ZNF384: variants seen among roughly 807,000 people sequenced by gnomAD.
The protein encoded by ZNF384 is zinc finger protein 384.
A neutral mutation model predicts 65.0 loss-of-function variants in ZNF384; 20 were observed. The ratio of observed to expected loss-of-function variants is 0.31; its 90% confidence interval spans 0.22 to 0.45. ZNF384 has a LOEUF of 0.45. Among genes scored for constraint, ZNF384 ranks in the 20% least tolerant of loss-of-function variants. The pLI, the probability that ZNF384 is intolerant of heterozygous loss-of-function variation, is 1.00. For missense variants in ZNF384, 549 were observed against 769.4 expected (o/e 0.71, Z 3.39); for synonymous variants, 310 against 303.9 (o/e 1.02, Z -0.21).
At chr12:6,669,652 C>T (rs931555174) in intron 10 of ZNF384, among the ~76,000 whole-genome samples, 2 of 151,902 alleles carry the variant, frequency 1.3e-5, no homozygotes, top group African/African-American at 4.9e-5. Context: ...GCACATGCCA[C>T]CAGGCCTGGC....
rs889840576 is a variant in ZNF384 at position 6,678,064 on chromosome 12, G to A, written c.686+63C>T. The A allele has an allele frequency of 2.7e-6, 4 of 1,481,246 alleles. No individual in the cohort carries two copies. The African/African-American group carries it at 4.1e-5, about 15-fold the overall frequency. The allele number at this position is 1,481,246 out of a possible 1,614,324, so 91.8% of individuals were successfully genotyped here. On this transcript the variant is annotated intron_variant, in intron 6 of 11. Transcript: ENST00000683879. This position sits in a 1 kb window ranked among gnomAD's most constrained non-coding sequence, Gnocchi z 4.9. ...CTGACCGGGGCAGAACACAATGAGG[G>A]TACAGGGAGAATCACCAAGCCAGGG...
chr12:6,670,688 G>T, intron 10 of ZNF384, 72 bp downstream of exon 10: 1 of 1,457,302 alleles, frequency 6.9e-7, no homozygotes, highest in South Asian at 1.2e-5. Flanking sequence ...GAAAACATTT[G>T]AGAACCACGA....
At position 6,679,112 on chromosome 12, in the gene ZNF384, T is replaced by A. The variant is rs772857565; in HGVS notation, c.138A>T (p.Pro46=). 1 of 1,613,476 alleles carries A rather than the reference T, an allele frequency of 6.2e-7. No homozygotes were observed. The highest frequency in any genetic ancestry group is 1.1e-5 in the South Asian group (1 of 91,044). The change falls in exon 4 of 12, where the codon CCA becomes CCT. Residue 46 remains proline, a synonymous_variant. Coordinates refer to ENST00000683879, the MANE Select transcript of ZNF384 (RefSeq NM_001385745.1). ...LLPEKGCGLA[P]PHYPTLLTVP... ...CTGTCAGCAAGGTGGGGTAGTGAGG[T>A]GGGGCCAGACCACAGCCCTTCTCTG...
chr12:6,679,134 T>C lies in ZNF384; in HGVS notation c.116A>G (p.Glu39Gly). Reference sequence around the variant, plus strand: ...AGGTGGGGCCAGACCACAGCCCTTCTCTGGCAACAGCTGATCCTTCATCTT... The same window carrying C: ...AGGTGGGGCCAGACCACAGCCCTTCCCTGGCAACAGCTGATCCTTCATCTT... ...INKMKDQLLP[E>G]KGCGLAPPHY... Residue 39 changes from glutamate to glycine, a missense_variant, in exon 4 of 12, where the codon GAG (glutamate) becomes GGG (glycine). By Grantham distance (98) the Glu-to-Gly change is moderately conservative. Transcript: ENST00000683879. 1 of 1,607,676 alleles carries C rather than the reference T, an allele frequency of 6.2e-7. No homozygotes were observed. The highest frequency in any genetic ancestry group is 8.5e-7 in the Non-Finnish European group (1 of 1,176,098).
chr12:6,687,167 CCAAGTA>C (rs1312159700), intron 2 of ZNF384, among the ~76,000 whole-genome samples: 5 of 152,336 alleles, frequency 3.3e-5, no homozygotes, highest in Admixed American at 6.5e-5. Context: ...ATAAACTCTT[CCAAGTA>C]CAAGTAACTC....
At chr12:6,680,311 A>T (rs1387905666) in intron 2 of ZNF384, among the ~76,000 whole-genome samples, 1 of 151,916 alleles carries the variant, frequency 6.6e-6, no homozygotes, top group Non-Finnish European at 1.5e-5. Flanking sequence ...AGTTCTGTGT[A>T]GTTTGAGAAG....
chr12:6,668,075 G>A lies in ZNF384; in HGVS notation c.1466C>T (p.Pro489Leu). The A allele has an allele frequency of 6.2e-7, 1 of 1,609,770 alleles. No homozygotes were observed. The highest frequency in any genetic ancestry group is 8.5e-7 in the Non-Finnish European group (1 of 1,177,300). The change falls in exon 12 of 12, where the codon CCT (proline) becomes CTT (leucine). Residue 489 changes from proline (P) to leucine (L), a missense_variant. By Grantham distance (98) the Pro-to-Leu change is moderately conservative. Transcript: ENST00000683879. ...LMKHMRKHNP[P>L]DLQQQVQAAA... ...TGCCTGCACCTGTTGCTGAAGATCAGGCGGGTTGTGTTTGCGCATATGTTT... is the reference window on the plus strand; with the variant it reads ...TGCCTGCACCTGTTGCTGAAGATCAAGCGGGTTGTGTTTGCGCATATGTTT...
At chr12:6,679,660 T>C (rs1955155430) in intron 2 of ZNF384, 135 bp from the exon 3 acceptor site, 3 of 661,284 alleles carry the variant, frequency 4.5e-6, no homozygotes, top group African/African-American at 1.8e-5. Flanking sequence ...AGTCAAGACT[T>C]AGTGTCTAGC....
intron 2 of ZNF384, among the ~76,000 whole-genome samples, chr12:6,685,421 C>A (rs747053437): frequency 6.6e-6 from 1 of 152,034 alleles, no homozygotes; most frequent in Non-Finnish European, 1.5e-5. Context: ...GGCTGAAAAT[C>A]TGGGTTCTCA....
rs759241075 is a variant in ZNF384 at position 6,678,427 on chromosome 12, G to C, written c.386C>G (p.Ser129Cys). 5 of 1,599,450 alleles carry C rather than the reference G, an allele frequency of 3.1e-6. No homozygotes were observed. Among genetic ancestry groups the C allele is most frequent in the African/African-American group, 1.3e-5 (1 of 74,848 alleles). The part of the protein sequence containing the change: ...PGLVITSPSG[S>C]LVTTASSAQT... ...AGCTGATGATGCTGTGGTCACAAGA[G>C]AGCCTGAGGGGGACGTGATTACCAA... Residue 129 changes from serine to cysteine, a missense_variant, in exon 6 of 12, where the codon TCT (serine) becomes TGT (cysteine). Ser to Cys is a moderately radical substitution (Grantham distance 112, BLOSUM62 -1). Around this residue, in one of 5 missense-constraint regions of ZNF384, gnomAD observed 277 missense variants for 337.2 expected, o/e 0.82. Transcript: ENST00000683879. The surrounding 1 kb of genome is among the most constrained non-coding windows in gnomAD (Gnocchi z 4.9).
At chr12:6,681,257 C>A (rs552862564) in intron 2 of ZNF384, among the ~76,000 whole-genome samples, 1 of 150,648 alleles carries the variant, frequency 6.6e-6, no homozygotes, top group Non-Finnish European at 1.5e-5. Flanking sequence ...AGAAAAGTAA[C>A]CCCTCCGAAT....
At chr12:6,680,601 C>T (rs370107021) in intron 2 of ZNF384, among the ~76,000 whole-genome samples, 4 of 150,958 alleles carry the variant, frequency 2.6e-5, no homozygotes, top group Non-Finnish European at 1.5e-5. Context: ...AAGCTGAGAT[C>T]GCGCCACTGC....
In ZNF384 at chr12:6,678,075, A is replaced by C; in HGVS notation, c.686+52T>G. 1.3e-6 allele frequency: 2 copies of C among 1,535,052 alleles called. No homozygotes were observed. The highest frequency in any genetic ancestry group is 1.8e-6 in the Non-Finnish European group (2 of 1,123,898). Reference sequence around the variant, plus strand: ...AGAACACAATGAGGGTACAGGGAGAATCACCAAGCCAGGGATCCTCGCCCC... The same window carrying C: ...AGAACACAATGAGGGTACAGGGAGACTCACCAAGCCAGGGATCCTCGCCCC... On this transcript the variant is annotated intron_variant, in intron 6 of 11. Transcript: ENST00000683879. This position sits in a 1 kb window ranked among gnomAD's most constrained non-coding sequence, Gnocchi z 4.9.
At chr12:6,675,103 T>A (rs990074821) in intron 7 of ZNF384, among the ~76,000 whole-genome samples, 7 of 152,222 alleles carry the variant, frequency 4.6e-5, no homozygotes, top group Admixed American at 4.6e-4. Flanking sequence ...TAAAAAATAA[T>A]AATAACCCAC....
chr12:6,669,787 C>T (rs10849495), intron 10 of ZNF384, among the ~76,000 whole-genome samples: 3,526 of 152,246 alleles, frequency 0.023, 129 homozygotes, highest in Admixed American at 0.071. Flanking sequence ...CAGGTGTGAG[C>T]CACCGCGCCC....
chr12:6,667,939 CTGCTGCTGT>C lies in ZNF384; in HGVS notation c.1593_1601del (p.Gln545_Gln547del). 6.2e-7 allele frequency: 1 copy of C among 1,608,768 alleles called. No individual in the cohort carries two copies. The highest frequency in any genetic ancestry group is 8.5e-7 in the Non-Finnish European group (1 of 1,177,996). On this transcript the variant is annotated inframe_deletion, in exon 12 of 12. Coordinates refer to ENST00000683879, the MANE Select transcript of ZNF384 (RefSeq NM_001385745.1). ...GCTGCTGCTGCTGCTGCTGCTGCTGCTGCTGCTGTGATGCCTGGGAGGCCTGGGCCTGGG... is the reference window on the plus strand; with the variant it reads ...GCTGCTGCTGCTGCTGCTGCTGCTGCGATGCCTGGGAGGCCTGGGCCTGGG...
chr12:6,671,598 C>G (rs1034358677), intron 9 of ZNF384: 1 of 152,306 alleles, frequency 6.6e-6, no homozygotes, highest in African/African-American at 2.4e-5. Context: ...TCCTCCTCTT[C>G]TCAAAGCAAG....
At chr12:6,683,585 GGA>G (rs1956848799) in intron 2 of ZNF384, among the ~76,000 whole-genome samples, 1 of 150,392 alleles carries the variant, frequency 6.6e-6, no homozygotes, top group Non-Finnish European at 1.5e-5. Context: ...GGCTGAGGCA[GGA>G]GAATCACCTG....
intron 3 of ZNF384, 98 bp downstream of exon 3, chr12:6,679,357 G>A (rs1036251010): frequency 1.8e-5 from 23 of 1,306,824 alleles, no homozygotes; most frequent in Non-Finnish European, 2.5e-5. Context: ...CTCAGGGGTG[G>A]GGGACCCAGT....
Sources: gnomAD v4.1 joint callset for allele counts (sites outside exome capture counted in the v4.1 genomes callset) on GRCh38, gnomAD v4.1.1 for gene constraint, gnomAD v4.1.1 regional missense constraint, Gnocchi (gnomAD v3.1) non-coding constraint, MANE v1.5 for transcripts, NCBI Gene and HGNC (gene_info 2026-07-23, HGNC 2026-07-21) for gene names.